The following UNC5D variants were observed in gnomAD, a reference collection of about 807,000 sequenced individuals.
UNC5D encodes unc-5 netrin receptor D, also known as netrin receptor UNC5D.
Under a neutral mutation model 105.4 loss-of-function variants are expected in UNC5D, and 39 were observed. The ratio of observed to expected loss-of-function variants is 0.37; its 90% CI spans 0.29 to 0.48. The LOEUF (loss-of-function observed/expected upper bound fraction) is 0.48, where lower values mean the gene tolerates loss of function less well. Among genes scored for constraint, UNC5D ranks in the 20% least tolerant of loss-of-function variants. The pLI is 0.98. For synonymous variants in UNC5D, 452 were observed against 450.4 expected (o/e 1.00, Z -0.04); for missense variants, 991 against 1,202.4 (o/e 0.82, Z 2.60).
chr8:35,494,327 C>G (rs919015525), intron 1 of UNC5D, among the ~76,000 whole-genome samples: 15 of 152,084 alleles, frequency 9.9e-5, no homozygotes, highest in African/African-American at 3.6e-4. Flanking sequence ...TTATTAAACA[C>G]ACTGTTCTCT....
intron 4 of UNC5D, among the ~76,000 whole-genome samples, chr8:35,604,449 C>T (rs191327537): frequency 1.2e-4 from 18 of 152,124 alleles, no homozygotes; most frequent in African/African-American, 3.6e-4. Context: ...GAGGGTAACC[C>T]GACCTTTCTC....
intron 1 of UNC5D, among the ~76,000 whole-genome samples, chr8:35,405,118 C>T (rs1368864338): frequency 6.6e-6 from 1 of 152,026 alleles, no homozygotes; most frequent in African/African-American, 2.4e-5. Flanking sequence ...GCTGTTAAAG[C>T]CAAGAATTCA....
intron 1 of UNC5D, among the ~76,000 whole-genome samples, chr8:35,442,526 G>A (rs540477683): frequency 1.3e-4 from 20 of 151,828 alleles, no homozygotes; most frequent in Middle Eastern, 3.4e-3. Flanking sequence ...CGAAATAGTG[G>A]TTGGATTAGA....
intron 7 of UNC5D, among the ~76,000 whole-genome samples, chr8:35,702,207 CT>C (rs1827251123): frequency 6.6e-6 from 1 of 152,036 alleles, no homozygotes; most frequent in African/African-American, 2.4e-5. Context: ...ATTGCAACAT[CT>C]CTCACCTGCA....
intron 3 of UNC5D, among the ~76,000 whole-genome samples, chr8:35,587,521 C>G (rs1468546136): frequency 6.6e-6 from 1 of 152,146 alleles, no homozygotes; most frequent in Non-Finnish European, 1.5e-5. Context: ...TCACTATCTT[C>G]CAGCTGCCAG....
At chr8:35,568,522 C>G (rs1817510632) in intron 3 of UNC5D, among the ~76,000 whole-genome samples, 1 of 152,176 alleles carries the variant, frequency 6.6e-6, no homozygotes, top group Non-Finnish European at 1.5e-5. Context: ...AACCCCATCT[C>G]TACTAATAAT....
At position 35,794,891 on chromosome 8, in the gene UNC5D, C is replaced by T. The variant is rs1408158651; in HGVS notation, c.*4328C>T. On this transcript the variant is annotated 3_prime_UTR_variant, in exon 17 of 17. Coordinates refer to ENST00000404895, the MANE Select transcript of UNC5D (RefSeq NM_080872.4). Reference sequence around the variant, plus strand: ...AAAGTAACAGGGGATGGAAATCAGACCTGGCCGTTAGTCACTAGTGTGTAG... The same window carrying T: ...AAAGTAACAGGGGATGGAAATCAGATCTGGCCGTTAGTCACTAGTGTGTAG... 1 of 152,152 alleles carries T rather than the reference C, an allele frequency of 6.6e-6. No homozygotes were observed. Among genetic ancestry groups the T allele is most frequent in the African/African-American group, 2.4e-5 (1 of 41,426 alleles). 9.4% of individuals were successfully genotyped at this position (152,152 alleles called of 1,614,324 possible).
At chr8:35,521,873 T>C (rs1813506656) in intron 1 of UNC5D, among the ~76,000 whole-genome samples, 2 of 152,206 alleles carry the variant, frequency 1.3e-5, no homozygotes, top group African/African-American at 2.4e-5. Flanking sequence ...CTTAGCTAAA[T>C]TGGTTCTCAT....
intron 1 of UNC5D, among the ~76,000 whole-genome samples, chr8:35,323,437 A>C (rs911008512): frequency 2.0e-5 from 3 of 152,100 alleles, no homozygotes; most frequent in Non-Finnish European, 1.5e-5. Context: ...AATGAGTTGC[A>C]AACTGCCTGG....
At position 35,346,594 on chromosome 8, in the gene UNC5D, A is replaced by ATGTTATGTG. The variant is rs1811820140; in HGVS notation, c.103+110709_103+110717dup. Among the ~76,000 whole-genome samples the ATGTTATGTG allele has an allele frequency of 3.9e-5, 6 of 152,084 alleles. No homozygotes were observed. The South Asian group carries it at 1.2e-3, about 32-fold the overall frequency. ...AATTATATTTATGCATTGTTAATAC[A>ATGTTATGTG]TGTTATGTGTATTAAATATTGTATT... On this transcript the variant is annotated intron_variant, in intron 1 of 16. Transcript: ENST00000404895.
chr8:35,682,464 T>TG (rs1825733941), intron 4 of UNC5D, among the ~76,000 whole-genome samples: 1 of 152,178 alleles, frequency 6.6e-6, no homozygotes, highest in Admixed American at 6.5e-5. Context: ...ATTTCAGTTT[T>TG]TATGTGTCCG....
intron 1 of UNC5D, among the ~76,000 whole-genome samples, chr8:35,273,061 A>G (rs1805528558): frequency 6.6e-6 from 1 of 152,196 alleles, no homozygotes; most frequent in African/African-American, 2.4e-5. Flanking sequence ...AATGGGGAGG[A>G]CAACTGAAAG....
intron 1 of UNC5D, among the ~76,000 whole-genome samples, chr8:35,246,646 C>T (rs1585401799): frequency 6.6e-6 from 1 of 151,924 alleles, no homozygotes; most frequent in East Asian, 1.9e-4. Flanking sequence ...GAAGTCTTAT[C>T]AAATTGTTTT....
At chr8:35,289,021 A>G (rs1806834030) in intron 1 of UNC5D, among the ~76,000 whole-genome samples, 1 of 152,190 alleles carries the variant, frequency 6.6e-6, no homozygotes. Flanking sequence ...ATTACCTTGA[A>G]TATATGTGGT....
rs190579280 is a variant in UNC5D at position 35,726,203 on chromosome 8, G to A, written c.1355G>A (p.Arg452Gln). 5.2e-5 allele frequency: 84 copies of A among 1,613,950 alleles called. No homozygotes were observed. Among genetic ancestry groups the A allele is most frequent in the Admixed American group, 1.0e-4 (6 of 60,008 alleles). ...ATGCAGCCAGATCTGACAGTGAGCC[G>A]GACATACAGCGGACCCATCTGTCTG... ...SAMQPDLTVS[R>Q]TYSGPICLQD... Residue 452 changes from arginine to glutamine, a missense_variant, in exon 10 of 17, where the codon CGG (arginine) becomes CAG (glutamine). Around this residue, in one of 3 missense-constraint regions of UNC5D, gnomAD observed 944 missense variants for 1,131.6 expected, o/e 0.83. Coordinates refer to ENST00000404895, the MANE Select transcript of UNC5D (RefSeq NM_080872.4).
At chr8:35,601,638 C>A (rs568583712) in intron 4 of UNC5D, among the ~76,000 whole-genome samples, 1 of 152,010 alleles carries the variant, frequency 6.6e-6, no homozygotes, top group Admixed American at 6.6e-5. Context: ...GTGATTTTTG[C>A]GCATTGATTT....
intron 1 of UNC5D, among the ~76,000 whole-genome samples, chr8:35,366,640 C>G (rs1383686194): frequency 6.6e-6 from 1 of 151,932 alleles, no homozygotes; most frequent in Non-Finnish European, 1.5e-5. Context: ...TGTTCACCAC[C>G]CACAACCTAT....
In UNC5D at chr8:35,791,496, C is replaced by T. The variant is rs1803040094; in HGVS notation, c.*933C>T. The T allele has an allele frequency of 6.6e-6, 1 of 152,090 alleles. No homozygotes were observed. Among genetic ancestry groups the T allele is most frequent in the Non-Finnish European group, 1.5e-5 (1 of 67,998 alleles). 9.4% of individuals were successfully genotyped at this position (152,090 alleles called of 1,614,324 possible). On this transcript the variant is annotated 3_prime_UTR_variant, in exon 17 of 17. Coordinates refer to ENST00000404895, the MANE Select transcript of UNC5D (RefSeq NM_080872.4). Reference sequence around the variant, plus strand: ...TCAAATCAGCTGTAATTCTAGGAGACACGTGTTGATCTAGTTATCTAACAT... The same window carrying T: ...TCAAATCAGCTGTAATTCTAGGAGATACGTGTTGATCTAGTTATCTAACAT...
Position 35,793,742 on chromosome 8 carries a change from A to G in UNC5D, c.*3179A>G, listed in dbSNP as rs1803145817. 1 of 152,676 alleles carries G rather than the reference A, an allele frequency of 6.5e-6. No individual in the cohort carries two copies. The highest frequency in any genetic ancestry group is 6.5e-5 in the Admixed American group (1 of 15,276). The allele number at this position is 152,676 out of a possible 1,614,324, so 9.5% of individuals were successfully genotyped here. On this transcript the variant is annotated 3_prime_UTR_variant, in exon 17 of 17. Coordinates refer to ENST00000404895, the MANE Select transcript of UNC5D (RefSeq NM_080872.4). ...AGCTTGCTCTATGGATTTAAATGCA[A>G]ACTTCATTTACCAGTGCAGGAAGTC...
Sources: allele counts gnomAD v4.1 joint callset (sites outside exome capture counted in the v4.1 genomes callset), GRCh38; gene constraint gnomAD v4.1.1; regional missense constraint gnomAD v4.1.1; transcripts MANE v1.5; gene names NCBI Gene and HGNC (gene_info 2026-07-23, HGNC 2026-07-21).